Variants in PDE11A observed in about 807,000 individuals in gnomAD.
PDE11A encodes the protein dual 3',5'-cyclic-AMP and -GMP phosphodiesterase 11A.
Under a neutral mutation model 100.5 loss-of-function variants are expected in PDE11A, and 100 were observed. The observed-to-expected ratio is 1.00, with a 90% CI of 0.85 to 1.18. The LOEUF is 1.18. Among genes scored for constraint, PDE11A ranks in the 50% most tolerant of loss-of-function variants. The pLI is 0.00. For missense variants in PDE11A, 1,141 were observed against 1,152.6 expected (o/e 0.99, Z 0.15); for synonymous variants, 381 against 420.8 (o/e 0.91, Z 1.16).
At chr2:177,726,166 C>T (rs1051840826) in intron 12 of PDE11A, among the ~76,000 whole-genome samples, 6 of 152,036 alleles carry the variant, frequency 3.9e-5, no homozygotes. Flanking sequence ...CTTGATGGCT[C>T]ACTCCTCTAA....
At chr2:177,648,255 AG>A (rs1413565202) in intron 19 of PDE11A, among the ~76,000 whole-genome samples, 17 of 152,344 alleles carry the variant, frequency 1.1e-4, no homozygotes, top group African/African-American at 3.8e-4. Flanking sequence ...GTCTACTGGA[AG>A]ACCCGGTAGA....
At chr2:177,901,114 T>A (rs1236016514) in intron 3 of PDE11A, among the ~76,000 whole-genome samples, 1 of 152,228 alleles carries the variant, frequency 6.6e-6, no homozygotes, top group African/African-American at 2.4e-5. Flanking sequence ...TCAGAAATTA[T>A]GGCTTAGGAG....
In PDE11A at chr2:178,072,563, AG is replaced by A. The variant is rs1325680291; in HGVS notation, c.-127del. 1 of 1,537,426 alleles carries A rather than the reference AG, an allele frequency of 6.5e-7. No homozygotes were observed. Among genetic ancestry groups the A allele is most frequent in the Non-Finnish European group, 8.7e-7 (1 of 1,148,538 alleles). On this transcript the variant is annotated 5_prime_UTR_variant, in exon 1 of 20. Transcript: ENST00000286063. ...CCCAGTTCAGCGCCACCTCCCCTGG[AG>A]ATTATTCCCAGCAGTGGAATCTGGG...
At chr2:178,084,813 C>T (rs1044329455) in intron 2 of PDE11A, among the ~76,000 whole-genome samples, 5 of 150,528 alleles carry the variant, frequency 3.3e-5, no homozygotes, top group Non-Finnish European at 7.4e-5. Context: ...AAACTATTGT[C>T]ATGTGACTTG....
chr2:177,816,224 CA>C (rs1308265303), intron 9 of PDE11A, among the ~76,000 whole-genome samples: 3 of 151,834 alleles, frequency 2.0e-5, no homozygotes, highest in Non-Finnish European at 4.4e-5. Flanking sequence ...ACAAAAAAAA[CA>C]ACTACAGAGC....
At chr2:177,836,588 G>A (rs528518479) in intron 6 of PDE11A, among the ~76,000 whole-genome samples, 13 of 152,314 alleles carry the variant, frequency 8.5e-5, no homozygotes, top group African/African-American at 2.4e-4. Context: ...GTGGCAACCC[G>A]CTTGGGTTCC....
chr2:177,723,824 A>T (rs1379713434), intron 12 of PDE11A, among the ~76,000 whole-genome samples: 1 of 152,122 alleles, frequency 6.6e-6, no homozygotes, highest in African/African-American at 2.4e-5. Flanking sequence ...CATCATTTAT[A>T]AAACCGAAAA....
At chr2:178,078,948 A>G (rs2087249543) in intron 2 of PDE11A, among the ~76,000 whole-genome samples, 1 of 152,198 alleles carries the variant, frequency 6.6e-6, no homozygotes. Flanking sequence ...AGAACAACTG[A>G]CAATACAAGA....
intron 10 of PDE11A, among the ~76,000 whole-genome samples, chr2:177,735,282 T>G (rs746124581): frequency 2.6e-5 from 4 of 152,000 alleles, no homozygotes; most frequent in Non-Finnish European, 4.4e-5. Flanking sequence ...AAATAGTTAC[T>G]ATGATAAAAA....
At chr2:178,053,631 A>G (rs1045569069) in intron 1 of PDE11A, among the ~76,000 whole-genome samples, 8 of 152,160 alleles carry the variant, frequency 5.3e-5, no homozygotes, top group African/African-American at 1.9e-4. Context: ...TCTCAGCCCA[A>G]AATCTCCTTA....
chr2:177,885,728 C>A (rs559954579), intron 4 of PDE11A, among the ~76,000 whole-genome samples: 2 of 152,134 alleles, frequency 1.3e-5, no homozygotes, highest in East Asian at 1.9e-4. Flanking sequence ...CCAGAACAAT[C>A]GGAGGATGCT....
chr2:178,101,081 G>A (rs1383238838), intron 2 of PDE11A, among the ~76,000 whole-genome samples: 1 of 152,114 alleles, frequency 6.6e-6, no homozygotes, highest in African/African-American at 2.4e-5. Flanking sequence ...CCACAGTAAG[G>A]GCAGACTCCA....
At chr2:177,869,869 A>G (rs912606793) in intron 5 of PDE11A, among the ~76,000 whole-genome samples, 5 of 152,210 alleles carry the variant, frequency 3.3e-5, no homozygotes, top group African/African-American at 1.2e-4. Context: ...ATGTCAAAGG[A>G]CACAGGTTTT....
At chr2:177,705,178 A>G (rs1057228157) in intron 13 of PDE11A, among the ~76,000 whole-genome samples, 2 of 152,134 alleles carry the variant, frequency 1.3e-5, no homozygotes, top group Non-Finnish European at 2.9e-5. Flanking sequence ...TGTCTCTCAC[A>G]TAATACACTT....
At position 178,071,550 on chromosome 2, in the gene PDE11A, C is replaced by T. The variant is rs770862816; in HGVS notation, c.888G>A (p.Thr296=). ...CCTGGTAGGCATCAGGAATGTTGAC[C>T]GTTTCTCCATGCTCCCCGACATAGC... ...IIGYVGEHGE[T]VNIPDAYQDR... The change falls in exon 1 of 20, where the codon ACG becomes ACA. Residue 296 remains threonine (T), a synonymous_variant. Transcript: ENST00000286063. The T allele has an allele frequency of 1.2e-6, 2 of 1,612,862 alleles. No individual in the cohort carries two copies. Among genetic ancestry groups the T allele is most frequent in the Admixed American group, 1.7e-5 (1 of 60,018 alleles).
intron 9 of PDE11A, among the ~76,000 whole-genome samples, chr2:177,792,173 G>T: frequency 6.6e-6 from 1 of 152,100 alleles, no homozygotes; most frequent in African/African-American, 2.4e-5. Flanking sequence ...AATCATATAG[G>T]TTATTAAATG....
chr2:177,660,061 T>TCTTTC (rs2080454534), intron 19 of PDE11A, among the ~76,000 whole-genome samples: 1 of 42,602 alleles, frequency 2.3e-5, no homozygotes, highest in Non-Finnish European at 5.2e-5. Context: ...CTTTCTTTCT[T>TCTTTC]TCTTTCTTTC....
intron 2 of PDE11A, among the ~76,000 whole-genome samples, chr2:177,996,836 G>A (rs1287755629): frequency 2.0e-5 from 3 of 152,282 alleles, no homozygotes; most frequent in Non-Finnish European, 2.9e-5. Flanking sequence ...TTTCAAAACT[G>A]ATAGTCTTTA....
rs10572990 is a variant in PDE11A, at chr2:177,769,885, CAAAAAAAA to C, written c.1738-520_1738-513del. On this transcript the variant is annotated intron_variant, in intron 9 of 19. Transcript: ENST00000286063. ...CCTGGGCGACAGAGTAAGACCCTATCAAAAAAAAAAAAAAAAAAAAAAAGGCATGCTGT... is the reference window on the plus strand; with the variant it reads ...CCTGGGCGACAGAGTAAGACCCTATCAAAAAAAAAAAAAAAGGCATGCTGT... Among the ~76,000 whole-genome samples, 15 of 70,876 alleles carry C rather than the reference CAAAAAAAA, an allele frequency of 2.1e-4. No individual in the cohort carries two copies. In the East Asian group the frequency reaches 6.4e-3, roughly 30 times the overall value. The allele number at this position is 70,876 out of a possible 152,430, so 46.5% of individuals were successfully genotyped here.
Sources: allele counts gnomAD v4.1 joint callset (sites outside exome capture counted in the v4.1 genomes callset), GRCh38; gene constraint gnomAD v4.1.1; transcripts MANE v1.5; gene names NCBI Gene and HGNC (gene_info 2026-07-23, HGNC 2026-07-21).